The following CEMIP2 variants were observed in gnomAD, a reference collection of about 807,000 sequenced individuals.
The protein encoded by CEMIP2 is cell surface hyaluronidase CEMIP2.
Under a neutral mutation model 146.9 loss-of-function variants are expected in CEMIP2, and 79 were observed. The observed-to-expected ratio is 0.54, with a 90% CI of 0.45 to 0.65. The LOEUF is 0.65. Among genes scored for constraint, CEMIP2 ranks in the 30% least tolerant of loss-of-function variants. The pLI is 0.00. For synonymous variants in CEMIP2, 601 were observed against 606.3 expected (o/e 0.99, Z 0.13); for missense variants, 1,596 against 1,696.2 (o/e 0.94, Z 1.04).
chr9:71,751,254 T>G (rs559112413), intron 1 of CEMIP2, among the ~76,000 whole-genome samples: 1 of 152,252 alleles, frequency 6.6e-6, no homozygotes, highest in Non-Finnish European at 1.5e-5. Flanking sequence ...ACTCTCCATT[T>G]TTCCCAGCCC....
chr9:71,718,901 A>C (rs1171081308), intron 12 of CEMIP2, among the ~76,000 whole-genome samples: 13 of 152,140 alleles, frequency 8.5e-5, no homozygotes, highest in Admixed American at 7.2e-4. Context: ...TAACATATTT[A>C]TTATAAATAC....
chr9:71,725,471 G>C (rs1823355357), intron 11 of CEMIP2, 110 bp downstream of exon 11: 2 of 1,189,344 alleles, frequency 1.7e-6, no homozygotes, highest in East Asian at 5.0e-5. Flanking sequence ...AAGTTAACTA[G>C]TCTGTGATAT....
chr9:71,749,719 GA>G (rs753353445), intron 2 of CEMIP2, among the ~76,000 whole-genome samples: 14 of 148,618 alleles, frequency 9.4e-5, no homozygotes, highest in East Asian at 7.9e-4. Flanking sequence ...AAGAAAAAAA[GA>G]AAAAAAAAAT....
At chr9:71,729,977 T>C (rs1031704519) in intron 9 of CEMIP2, 63 bp from the exon 10 acceptor site, 4 of 1,612,798 alleles carry the variant, frequency 2.5e-6, no homozygotes, top group African/African-American at 1.3e-5. Flanking sequence ...CACTAAAAAC[T>C]TCCCCCAAAA....
rs200279472 is a variant in CEMIP2, at chr9:71,745,032, T to C, written c.1020A>G (p.Gln340=). The change falls in exon 4 of 24, where the codon CAA becomes CAG. Residue 340 remains glutamine (Q), a synonymous_variant. Transcript: ENST00000377044. ...GGTATGCCTACCTGTAGCCCAGTCC[T>C]TGGATCAGTTCACTTCCCAACCGTT... ...IQERLGSELI[Q]GLGYRQAWAL... is the part of the protein sequence containing the mutation. 1.9e-5 allele frequency: 31 copies of C among 1,613,906 alleles called. No individual in the cohort carries two copies. The East Asian group carries it at 6.5e-4, about 34-fold the overall frequency.
Position 71,704,621 on chromosome 9 carries a change from T to C in CEMIP2, c.3168A>G (p.Thr1056=), listed in dbSNP as rs1456668223. The change falls in exon 18 of 24, where the codon ACA becomes ACG. Residue 1056 remains threonine (T), a synonymous_variant. Transcript: ENST00000377044. ...IHWNGPAPRT[T]FLYLVNFNKN... ...TGTTGAAGTTGACGAGGTATAGAAA[T>C]GTAGTCCGTGGTGCCGGCCCATTCC... 1.2e-6 allele frequency: 2 copies of C among 1,614,128 alleles called. No individual in the cohort carries two copies. The highest frequency in any genetic ancestry group is 1.7e-5 in the Admixed American group (1 of 60,018).
intron 19 of CEMIP2, 123 bp downstream of exon 19, chr9:71,700,518 GA>G (rs35336582): frequency 3.0e-6 from 1 of 337,758 alleles, no homozygotes; most frequent in Non-Finnish European, 4.2e-6. Context: ...CTCTAATAGA[GA>G]AGATGTGCAG....
rs1822000835 is a variant in CEMIP2 at position 71,684,670 on chromosome 9, G to A, written c.*527C>T. On this transcript the variant is annotated 3_prime_UTR_variant, in exon 24 of 24. Transcript: ENST00000377044. ...GTCCAGGCAAAAAAGGGCATGAGCT[G>A]GGCCTGAGTTGCCACTTAAAACTGT... 6.5e-6 allele frequency: 1 copy of A among 152,876 alleles called. No individual in the cohort carries two copies. The highest frequency in any genetic ancestry group is 6.5e-5 in the Admixed American group (1 of 15,284). The allele number at this position is 152,876 out of a possible 1,614,324, so 9.5% of individuals were successfully genotyped here.
At chr9:71,737,255 C>T (rs1823789568) in intron 5 of CEMIP2, among the ~76,000 whole-genome samples, 1 of 150,778 alleles carries the variant, frequency 6.6e-6, no homozygotes, top group Non-Finnish European at 1.5e-5. Flanking sequence ...CAGTTCAAGA[C>T]CAGCCTGGCC....
intron 1 of CEMIP2, among the ~76,000 whole-genome samples, chr9:71,761,818 G>A (rs1465583755): frequency 6.6e-6 from 1 of 152,190 alleles, no homozygotes; most frequent in Non-Finnish European, 1.5e-5. Context: ...GAATGTTGAG[G>A]CAAAGAAGGT....
intron 20 of CEMIP2, among the ~76,000 whole-genome samples, chr9:71,697,373 G>T (rs1463762858): frequency 6.6e-6 from 1 of 152,108 alleles, no homozygotes; most frequent in East Asian, 1.9e-4. Flanking sequence ...TTTCATTGCA[G>T]TGCTTTCTTG....
In CEMIP2 at chr9:71,755,961, C is replaced by CAAAAA. The variant is rs55972127; in HGVS notation, c.-12-5581_-12-5577dup. 8.5e-4 allele frequency among the ~76,000 whole-genome samples: 45 copies of CAAAAA among 52,882 alleles called. 3 individuals carry two copies. The highest frequency in any genetic ancestry group is 3.0e-3 in the African/African-American group (33 of 10,940). The allele number at this position is 52,882 out of a possible 152,430, so 34.7% of individuals were successfully genotyped here. A position where few individuals can be genotyped will look rare whatever the true frequency, so the allele number is the denominator to read the frequency against. On this transcript the variant is annotated intron_variant, in intron 1 of 23. Transcript: ENST00000377044. ...GGTGACAGAGCATGACTCTGTCTCACAAAAAAAAAAAAAAAAAAAAAAAAA... is the reference window on the plus strand; with the variant it reads ...GGTGACAGAGCATGACTCTGTCTCACAAAAAAAAAAAAAAAAAAAAAAAAAAAAAA...
chr9:71,727,271 C>A (rs961689894), intron 10 of CEMIP2, among the ~76,000 whole-genome samples: 2 of 152,124 alleles, frequency 1.3e-5, no homozygotes, highest in African/African-American at 2.4e-5. Context: ...TAAAAGAAAT[C>A]TTTGTTCTGA....
At position 71,685,403 on chromosome 9, in the gene CEMIP2, A is replaced by AG; in HGVS notation, c.3956-11_3956-10insC. The AG allele has an allele frequency of 6.7e-7, 1 of 1,501,988 alleles. No individual in the cohort carries two copies. The highest frequency in any genetic ancestry group is 8.9e-7 in the Non-Finnish European group (1 of 1,128,804). The allele number at this position is 1,501,988 out of a possible 1,614,324, so 93.0% of individuals were successfully genotyped here. On this transcript the variant is annotated splice_polypyrimidine_tract_variant and intron_variant, in intron 23 of 23. Coordinates refer to ENST00000377044, the MANE Select transcript of CEMIP2 (RefSeq NM_013390.3). ...AAAAATATGGTACTCCCTAAAAAAA[A>AG]AAAAAAAAAAGAAAAAGAAAAAAAA...
intron 5 of CEMIP2, among the ~76,000 whole-genome samples, chr9:71,737,996 G>A (rs1177797167): frequency 6.6e-6 from 1 of 152,144 alleles, no homozygotes; most frequent in Non-Finnish European, 1.5e-5. Context: ...AGATCAGGGA[G>A]TTTGAATAAC....
chr9:71,685,528 C>T (rs1822034719), intron 23 of CEMIP2, 135 bp from the exon 24 acceptor site: 6 of 1,134,708 alleles, frequency 5.3e-6, no homozygotes, highest in South Asian at 1.8e-5. Flanking sequence ...TTCCTTACAT[C>T]AGCAAATGAA....
chr9:71,731,339 G>A (rs915549016), intron 7 of CEMIP2, among the ~76,000 whole-genome samples: 2 of 152,146 alleles, frequency 1.3e-5, no homozygotes, highest in South Asian at 2.1e-4. Context: ...ACTTTTAAAA[G>A]TTCTTCTGTG....
chr9:71,752,184 A>C (rs1044554110), intron 1 of CEMIP2, among the ~76,000 whole-genome samples: 1 of 151,876 alleles, frequency 6.6e-6, no homozygotes, highest in Non-Finnish European at 1.5e-5. Flanking sequence ...TTTTTACTCT[A>C]AAGTTCAGGC....
At chr9:71,712,669 TG>T (rs1164386126) in intron 15 of CEMIP2, among the ~76,000 whole-genome samples, 5 of 152,172 alleles carry the variant, frequency 3.3e-5, no homozygotes, top group Admixed American at 6.5e-5. Flanking sequence ...AAGACAAGTC[TG>T]CGCTTAGGCA....
Sources: allele counts gnomAD v4.1 joint callset (sites outside exome capture counted in the v4.1 genomes callset), GRCh38; gene constraint gnomAD v4.1.1; transcripts MANE v1.5; gene names NCBI Gene and HGNC (gene_info 2026-07-23, HGNC 2026-07-21).